Variants in CDH4 observed in about 807,000 individuals in gnomAD.
CDH4 encodes cadherin 4.
In CDH4, 33 loss-of-function variants were observed where a neutral mutation model predicts 86.0. The observed-to-expected ratio is 0.38, with a 90% confidence interval of 0.29 to 0.51. The LOEUF is 0.51. Ranked by LOEUF, CDH4 falls within the 20% of genes least tolerant of loss-of-function variation. The pLI, the probability that CDH4 is intolerant of heterozygous loss-of-function variation, is 0.86. For synonymous variants in CDH4, 555 were observed against 549.4 expected (o/e 1.01, Z -0.14); for missense variants, 1,114 against 1,307.4 (o/e 0.85, Z 2.28).
At chr20:61,872,100 C>T (rs1485990008) in intron 6 of CDH4, among the ~76,000 whole-genome samples, 4 of 152,222 alleles carry the variant, frequency 2.6e-5, no homozygotes, top group Admixed American at 2.6e-4. Context: ...TAGCTTCGGG[C>T]TCCTCGCAGA....
At chr20:61,299,663 G>A (rs1453864456) in intron 2 of CDH4, among the ~76,000 whole-genome samples, 1 of 152,100 alleles carries the variant, frequency 6.6e-6, no homozygotes, top group Non-Finnish European at 1.5e-5. Flanking sequence ...AGAAACTCTG[G>A]GGTTAATATC....
chr20:61,540,037 G>T (rs555258334), intron 2 of CDH4, among the ~76,000 whole-genome samples: 2 of 152,190 alleles, frequency 1.3e-5, no homozygotes, highest in African/African-American at 4.8e-5. Context: ...AATTCGATCC[G>T]ATTGGTTGGT....
intron 11 of CDH4, among the ~76,000 whole-genome samples, chr20:61,925,145 C>T (rs2055030769): frequency 6.6e-6 from 1 of 152,118 alleles, no homozygotes; most frequent in South Asian, 2.1e-4. Context: ...GACGGGAGGG[C>T]GAGGATGGGC....
intron 2 of CDH4, among the ~76,000 whole-genome samples, chr20:61,678,634 C>T (rs1425539389): frequency 6.6e-6 from 1 of 152,196 alleles, no homozygotes; most frequent in African/African-American, 2.4e-5. Context: ...CTCTCCTCGT[C>T]CTGGAGGCCG....
chr20:61,616,655 T>A (rs2086727420), intron 2 of CDH4, among the ~76,000 whole-genome samples: 1 of 152,202 alleles, frequency 6.6e-6, no homozygotes, highest in Admixed American at 6.5e-5. Flanking sequence ...CTGGAAGTTT[T>A]CTTTCAGCAA....
chr20:61,351,638 A>G (rs2084713264), intron 2 of CDH4, among the ~76,000 whole-genome samples: 1 of 152,214 alleles, frequency 6.6e-6, no homozygotes, highest in South Asian at 2.1e-4. Context: ...TATCAGGGCA[A>G]TGGGATGCTG....
intron 3 of CDH4, among the ~76,000 whole-genome samples, chr20:61,769,820 T>C (rs2088753050): frequency 6.6e-6 from 1 of 152,220 alleles, no homozygotes; most frequent in Non-Finnish European, 1.5e-5. Flanking sequence ...TCAAGCCACT[T>C]TGAGCAGTGG....
intron 2 of CDH4, among the ~76,000 whole-genome samples, chr20:61,275,557 G>A (rs1354798503): frequency 7.4e-6 from 1 of 135,044 alleles, no homozygotes. Context: ...TGCGCAGTTT[G>A]GGGGAGTACC....
chr20:61,705,991 C>T (rs907960778), intron 2 of CDH4, among the ~76,000 whole-genome samples: 1 of 152,204 alleles, frequency 6.6e-6, no homozygotes, highest in Non-Finnish European at 1.5e-5. Context: ...GATTTCTCCC[C>T]CACGGGTGCT....
chr20:61,864,653 T>C (rs1983467202), intron 6 of CDH4, among the ~76,000 whole-genome samples: 1 of 151,974 alleles, frequency 6.6e-6, no homozygotes, highest in Non-Finnish European at 1.5e-5. Context: ...CTCACTCAAC[T>C]CCCAGAGCCA....
chr20:61,936,769 AC>A lies in CDH4; in HGVS notation c.2583del (p.Tyr862MetfsTer22). 1.9e-6 allele frequency: 3 copies of A among 1,606,496 alleles called. No individual in the cohort carries two copies. Among genetic ancestry groups the A allele is most frequent in the East Asian group, 2.3e-5 (1 of 43,756 alleles). Reference protein sequence around the residue: ...LRAADNDPTAPPYDSLLVFDY... With the variant: ...LRAADNDPTAXPYDSLLVFDY... The stretch of plus-strand genomic sequence containing the variant: ...GCGCTGCTGACAACGACCCCACGGC[AC>A]CCCCCTATGACTCCCTGCTGGTCTT... On this transcript the variant is annotated frameshift_variant, in exon 16 of 16. Transcript: ENST00000614565. LOFTEE classifies it high-confidence loss of function.
chr20:61,262,042 C>CT (rs2084130290), intron 2 of CDH4, among the ~76,000 whole-genome samples: 1 of 152,166 alleles, frequency 6.6e-6, no homozygotes, highest in Admixed American at 6.5e-5. Context: ...GAGAAGAGTC[C>CT]GGCTGGTCCT....
chr20:61,459,407 C>A (rs6121971), intron 2 of CDH4, among the ~76,000 whole-genome samples: 1 of 151,732 alleles, frequency 6.6e-6, no homozygotes, highest in South Asian at 2.1e-4. Context: ...GGGTTCCCAC[C>A]TGATCACACT....
chr20:61,727,592 T>C (rs6061771), intron 2 of CDH4, among the ~76,000 whole-genome samples: 112,263 of 152,196 alleles, frequency 0.74, 42,784 homozygotes, highest in East Asian at 1. Context: ...ACACAGGAAG[T>C]ATGGCATGGG....
intron 13 of CDH4, among the ~76,000 whole-genome samples, chr20:61,930,973 G>A (rs142924403): frequency 2.0e-5 from 3 of 152,210 alleles, no homozygotes; most frequent in South Asian, 2.1e-4. Flanking sequence ...GGCCACTCTC[G>A]AGGGCAGCCG....
At chr20:61,907,715 G>A (rs1007176835) in intron 8 of CDH4, among the ~76,000 whole-genome samples, 42 of 152,186 alleles carry the variant, frequency 2.8e-4, no homozygotes, top group African/African-American at 4.1e-4. Flanking sequence ...AGGCCTCCCC[G>A]GGTACCCAGC....
Position 61,684,094 on chromosome 20 carries a change from G to C in CDH4, c.170-59469G>C, listed in dbSNP as rs561428679. 6.6e-6 allele frequency among the ~76,000 whole-genome samples: 1 copy of C among 152,240 alleles called. No homozygotes were observed. The highest frequency in any genetic ancestry group is 1.5e-5 in the Non-Finnish European group (1 of 68,038). ...TGTGTGGATTCATTTAACAGGGTTG[G>C]CTGATACCTACTGTGTAGCAGGGAT... On this transcript the variant is annotated intron_variant, in intron 2 of 15. Coordinates refer to ENST00000614565, the MANE Select transcript of CDH4 (RefSeq NM_001794.5). This position sits in a 1 kb window ranked among gnomAD's most constrained non-coding sequence, Gnocchi z 4.5.
intron 8 of CDH4, among the ~76,000 whole-genome samples, chr20:61,898,197 C>T (rs1321394931): frequency 6.6e-6 from 1 of 152,246 alleles, no homozygotes; most frequent in Non-Finnish European, 1.5e-5. Flanking sequence ...TGGCGAAGGC[C>T]GGCCACACTG....
At chr20:61,596,796 C>G (rs1466955259) in intron 2 of CDH4, among the ~76,000 whole-genome samples, 2 of 152,162 alleles carry the variant, frequency 1.3e-5, no homozygotes, top group Non-Finnish European at 2.9e-5. Context: ...TCCTTCCCAC[C>G]CAGGCATCTG....
Sources: allele counts gnomAD v4.1 joint callset (sites outside exome capture counted in the v4.1 genomes callset), GRCh38; gene constraint gnomAD v4.1.1; non-coding constraint Gnocchi (gnomAD v3.1); transcripts MANE v1.5; gene names NCBI Gene and HGNC (gene_info 2026-07-23, HGNC 2026-07-21).